Variants in PRPSAP2 observed in about 807,000 individuals in gnomAD.
PRPSAP2 encodes phosphoribosyl pyrophosphate synthetase associated protein 2, also known as phosphoribosyl pyrophosphate synthase-associated protein 2.
In PRPSAP2, 24 loss-of-function variants were observed where a neutral mutation model predicts 40.6. The ratio of observed to expected loss-of-function variants is 0.59; its 90% confidence interval spans 0.43 to 0.83. The LOEUF is 0.83. PRPSAP2 is among the 40% of genes least tolerant of loss of function. The probability of loss-of-function intolerance (pLI) is 0.00; values close to 1 mark genes in which losing one functional copy is unlikely to be tolerated. For synonymous variants in PRPSAP2, 149 were observed against 164.7 expected, an observed-to-expected ratio of 0.90 and a Z score of 0.73; for missense variants, 292 against 465.6, an observed-to-expected ratio of 0.63 and a Z score of 3.43.
At chr17:18,909,416 G>C (rs1284520034) in intron 8 of PRPSAP2, among the ~76,000 whole-genome samples, 1 of 151,712 alleles carries the variant, frequency 6.6e-6, no homozygotes, top group Non-Finnish European at 1.5e-5. Context: ...TAATTTTTTT[G>C]TATTTTTTTA....
intron 9 of PRPSAP2, among the ~76,000 whole-genome samples, chr17:18,913,058 A>G (rs772934272): frequency 2.0e-5 from 3 of 152,014 alleles, no homozygotes; most frequent in Non-Finnish European, 4.4e-5. Context: ...CTGGATTCTC[A>G]TGCCTGCATC....
intron 4 of PRPSAP2, among the ~76,000 whole-genome samples, chr17:18,871,118 C>T (rs985911932): frequency 6.6e-6 from 1 of 152,086 alleles, no homozygotes; most frequent in Non-Finnish European, 1.5e-5. Context: ...CTCCCAGGTT[C>T]AAGCAGTTCT....
chr17:18,893,473 G>T (rs892477141), intron 8 of PRPSAP2, among the ~76,000 whole-genome samples: 9 of 151,886 alleles, frequency 5.9e-5, no homozygotes, highest in African/African-American at 9.7e-5. Flanking sequence ...AGAATCCATT[G>T]GCCAGGTGCA....
chr17:18,889,043 A>G (rs182000985), intron 7 of PRPSAP2, among the ~76,000 whole-genome samples: 1 of 152,384 alleles, frequency 6.6e-6, no homozygotes, highest in Admixed American at 6.5e-5. Flanking sequence ...GAAAAAGTTT[A>G]GAAAGACTGC....
intron 7 of PRPSAP2, among the ~76,000 whole-genome samples, chr17:18,882,888 T>C (rs1373474609): frequency 6.6e-6 from 1 of 152,216 alleles, no homozygotes; most frequent in Non-Finnish European, 1.5e-5. Flanking sequence ...TTGCTTTTTC[T>C]TTTGGACCTC....
rs536098774 is a variant in PRPSAP2, at chr17:18,897,173, G to T, written c.584+7296G>T. Among the ~76,000 whole-genome samples the T allele has an allele frequency of 2.9e-4, 44 of 152,060 alleles. No homozygotes were observed. In the South Asian group the frequency reaches 9.1e-3, roughly 32 times the overall value. ...GGGTCTCACTATATTGCCCAGGCTGGTCTCCAACTCGTGGCCTCAAGTGAT... is the reference window on the plus strand; with the variant it reads ...GGGTCTCACTATATTGCCCAGGCTGTTCTCCAACTCGTGGCCTCAAGTGAT... On this transcript the variant is annotated intron_variant, in intron 8 of 11. Coordinates refer to ENST00000268835, the MANE Select transcript of PRPSAP2 (RefSeq NM_002767.4).
At chr17:18,899,454 T>G (rs1482273596) in intron 8 of PRPSAP2, among the ~76,000 whole-genome samples, 1 of 151,814 alleles carries the variant, frequency 6.6e-6, no homozygotes, top group East Asian at 1.9e-4. Context: ...TCACTGATTC[T>G]TTCCTTGACC....
At chr17:18,908,467 G>C in intron 8 of PRPSAP2, 1 of 760,024 alleles carries the variant, frequency 1.3e-6, no homozygotes, top group South Asian at 1.4e-5. Context: ...TCCCAGAATG[G>C]AAGGAGTGAG....
chr17:18,915,005 C>T (rs929421835), intron 9 of PRPSAP2, among the ~76,000 whole-genome samples: 12 of 147,896 alleles, frequency 8.1e-5, no homozygotes, highest in African/African-American at 2.7e-4. Context: ...GGGTTACAGA[C>T]ATGAACCACT....
chr17:18,879,259 CA>C lies in PRPSAP2; in HGVS notation c.412+1390del, dbSNP rs777168538. ...GTCCCCATATCACTGCATTTTAAGA[CA>C]GGTACTTACTGTAGAATAAACCTTT... On this transcript the variant is annotated intron_variant, in intron 6 of 11. Transcript: ENST00000268835. Among the ~76,000 whole-genome samples, 195 of 151,474 alleles carry C rather than the reference CA, an allele frequency of 1.3e-3. 1 individual carries two copies. The highest frequency in any genetic ancestry group is 2.2e-3 in the Non-Finnish European group (152 of 67,836).
chr17:18,884,279 G>A (rs924347128), intron 7 of PRPSAP2, among the ~76,000 whole-genome samples: 12 of 151,850 alleles, frequency 7.9e-5, no homozygotes. Flanking sequence ...AAACAAAAAA[G>A]AAAACAAAAA....
chr17:18,862,257 G>C (rs1239150447), intron 1 of PRPSAP2, among the ~76,000 whole-genome samples: 3 of 152,220 alleles, frequency 2.0e-5, no homozygotes, highest in African/African-American at 7.2e-5. Context: ...CCCTGGGGCT[G>C]TTCAAGCTTC....
At position 18,911,089 on chromosome 17, in the gene PRPSAP2, G is replaced by T. The variant is rs760001821; in HGVS notation, c.585-14G>T. On this transcript the variant is annotated splice_polypyrimidine_tract_variant and intron_variant, in intron 8 of 11. Coordinates refer to ENST00000268835, the MANE Select transcript of PRPSAP2 (RefSeq NM_002767.4). The surrounding 1 kb of genome is among the most constrained non-coding windows in gnomAD (Gnocchi z 4.5). ...TGCATGAGTTTTGAGCTTGTGTCTG[G>T]TGTTTTCCCTCAGGGCACAGTCTTT... 3.1e-6 allele frequency: 5 copies of T among 1,596,178 alleles called. No individual in the cohort carries two copies. The highest frequency in any genetic ancestry group is 4.3e-6 in the Non-Finnish European group (5 of 1,168,168).
At chr17:18,909,177 G>C (rs1333563422) in intron 8 of PRPSAP2, among the ~76,000 whole-genome samples, 1 of 151,630 alleles carries the variant, frequency 6.6e-6, no homozygotes, top group African/African-American at 2.4e-5. Context: ...GGAGGAACTG[G>C]ATCTCTCATG....
chr17:18,892,745 A>ATTTTTT (rs1555554151), intron 8 of PRPSAP2, among the ~76,000 whole-genome samples: 50 of 125,764 alleles, frequency 4.0e-4, no homozygotes, highest in Middle Eastern at 3.8e-3. Context: ...TTATTTATTT[A>ATTTTTT]TTTTTTTGAG....
intron 8 of PRPSAP2, 22 bp downstream of exon 8, chr17:18,889,899 T>C: frequency 1.2e-6 from 2 of 1,600,722 alleles, no homozygotes; most frequent in Non-Finnish European, 1.7e-6. Context: ...TCTCACAACC[T>C]CTTTCTGGAT....
chr17:18,908,658 G>C (rs761301346), intron 8 of PRPSAP2: 1 of 721,716 alleles, frequency 1.4e-6, no homozygotes, highest in Non-Finnish European at 2.6e-6. Flanking sequence ...TCGCCAACGA[G>C]TGCCCCAAGC....
At chr17:18,866,803 A>G (rs762507962) in intron 3 of PRPSAP2, among the ~76,000 whole-genome samples, 2 of 152,192 alleles carry the variant, frequency 1.3e-5, no homozygotes, top group Non-Finnish European at 2.9e-5. Context: ...TGTCAATGCT[A>G]TGAAGAAAAC....
intron 8 of PRPSAP2, chr17:18,904,518 G>T (rs1286535018): frequency 6.6e-6 from 1 of 152,262 alleles, no homozygotes; most frequent in East Asian, 1.9e-4. Context: ...GCCTCCCAAA[G>T]TGTTGGGATA....
Sources: gnomAD v4.1 joint callset for allele counts (sites outside exome capture counted in the v4.1 genomes callset) on GRCh38, gnomAD v4.1.1 for gene constraint, Gnocchi (gnomAD v3.1) non-coding constraint, MANE v1.5 for transcripts, NCBI Gene and HGNC (gene_info 2026-07-23, HGNC 2026-07-21) for gene names.